The following ASB3 variants were observed in gnomAD, a reference collection of about 807,000 sequenced individuals.
ASB3 encodes the protein ankyrin repeat and SOCS box protein 3.
Under a neutral mutation model 54.5 loss-of-function variants are expected in ASB3, and 41 were observed. The observed-to-expected ratio is 0.75, with a 90% CI of 0.59 to 0.98. The LOEUF is 0.98. Among genes scored for constraint, ASB3 ranks in the 50% least tolerant of loss-of-function variants. The pLI is 0.00. For synonymous variants in ASB3, 266 were observed against 221.2 expected, an observed-to-expected ratio of 1.20 and a Z score of -1.80; for missense variants, 733 against 620.0, an observed-to-expected ratio of 1.18 and a Z score of -1.94.
At chr2:53,701,269 T>C (rs1023646452) in intron 7 of ASB3, among the ~76,000 whole-genome samples, 10 of 152,226 alleles carry the variant, frequency 6.6e-5, no homozygotes, top group African/African-American at 2.4e-4. Context: ...CTTACATTTA[T>C]AATGGTATTA....
At chr2:53,774,886 T>C (rs764123225) in intron 1 of ASB3, 18 of 168,612 alleles carry the variant, frequency 1.1e-4, no homozygotes, top group South Asian at 3.6e-4. Flanking sequence ...CCAATAAATA[T>C]AAGGTTATGC....
chr2:53,770,578 A>T (rs1177190217), intron 1 of ASB3, among the ~76,000 whole-genome samples: 1 of 151,714 alleles, frequency 6.6e-6, no homozygotes, highest in Non-Finnish European at 1.5e-5. Flanking sequence ...GAACATTCCA[A>T]GTCTGGACTT....
At chr2:53,697,976 G>C (rs141081737) in intron 8 of ASB3, among the ~76,000 whole-genome samples, 2 of 152,306 alleles carry the variant, frequency 1.3e-5, no homozygotes, top group African/African-American at 4.8e-5. Flanking sequence ...TGCTCCCATG[G>C]GTCCTCTAGG....
At chr2:53,702,573 C>T (rs1312897459) in intron 7 of ASB3, among the ~76,000 whole-genome samples, 1 of 152,084 alleles carries the variant, frequency 6.6e-6, no homozygotes, top group Non-Finnish European at 1.5e-5. Context: ...TCTTGTTTAA[C>T]ATAAATATCA....
intron 3 of ASB3, among the ~76,000 whole-genome samples, chr2:53,737,126 T>C (rs949026298): frequency 2.0e-5 from 3 of 152,108 alleles, no homozygotes; most frequent in African/African-American, 7.2e-5. Flanking sequence ...AAAACAATCA[T>C]AAGAGTGGAC....
intron 9 of ASB3, among the ~76,000 whole-genome samples, chr2:53,677,905 G>C (rs935578899): frequency 6.6e-6 from 1 of 152,142 alleles, no homozygotes; most frequent in Admixed American, 6.6e-5. Flanking sequence ...GTAAAGGTGA[G>C]ACTATATTTT....
chr2:53,682,450 A>AT (rs1668424222), intron 9 of ASB3, among the ~76,000 whole-genome samples: 4 of 151,978 alleles, frequency 2.6e-5, no homozygotes, highest in African/African-American at 9.6e-5. Flanking sequence ...AATGAGATTA[A>AT]TTTTTTATTT....
intron 7 of ASB3, among the ~76,000 whole-genome samples, chr2:53,704,584 C>T (rs909687708): frequency 1.3e-5 from 2 of 152,026 alleles, no homozygotes; most frequent in Non-Finnish European, 2.9e-5. Context: ...GGTTATATGA[C>T]CCTCTTGACA....
At chr2:53,717,922 G>C (rs930566820) in intron 5 of ASB3, among the ~76,000 whole-genome samples, 3 of 151,952 alleles carry the variant, frequency 2.0e-5, no homozygotes, top group Admixed American at 6.6e-5. Flanking sequence ...TAATAGACTA[G>C]GCCAAGCAGA....
At chr2:53,785,977 A>C (rs1293328659) in intron 1 of ASB3, among the ~76,000 whole-genome samples, 1 of 152,198 alleles carries the variant, frequency 6.6e-6, no homozygotes, top group African/African-American at 2.4e-5. Flanking sequence ...TGATGTTAAA[A>C]AAAAATTTTT....
At chr2:53,754,154 A>C (rs1672685447) in intron 2 of ASB3, among the ~76,000 whole-genome samples, 1 of 152,192 alleles carries the variant, frequency 6.6e-6, no homozygotes, top group Non-Finnish European at 1.5e-5. Context: ...AAACAATATG[A>C]GCAACAAAAT....
intron 9 of ASB3, among the ~76,000 whole-genome samples, chr2:53,682,930 T>C (rs1668452687): frequency 6.6e-6 from 1 of 152,206 alleles, no homozygotes; most frequent in Non-Finnish European, 1.5e-5. Context: ...AACAAGGACA[T>C]TTTGACTTCT....
chr2:53,706,987 T>C (rs1330861379), intron 7 of ASB3, among the ~76,000 whole-genome samples: 1 of 152,206 alleles, frequency 6.6e-6, no homozygotes, highest in Non-Finnish European at 1.5e-5. Flanking sequence ...ATACTATAAG[T>C]AACCTGTTGC....
At position 53,670,427 on chromosome 2, in the gene ASB3, A is replaced by C; in HGVS notation, c.*76T>G. The C allele has an allele frequency of 6.7e-7, 1 of 1,493,648 alleles. No homozygotes were observed. Among genetic ancestry groups the C allele is most frequent in the South Asian group, 1.3e-5 (1 of 76,226 alleles). The allele number at this position is 1,493,648 out of a possible 1,614,324, so 92.5% of individuals were successfully genotyped here. A position where few individuals can be genotyped will look rare whatever the true frequency, so the allele number is the denominator to read the frequency against. On this transcript the variant is annotated 3_prime_UTR_variant, in exon 10 of 10. Transcript: ENST00000263634. ...ATCTTTTGACTATAAAATCATAAAA[A>C]CTTGTACTCTGTGGCTCTTTTGTCT...
chr2:53,708,649 T>C (rs144619188), intron 7 of ASB3, among the ~76,000 whole-genome samples: 375 of 152,298 alleles, frequency 2.5e-3, no homozygotes, highest in African/African-American at 8.4e-3. Context: ...AAAGTGCTGA[T>C]AGTGAATAAA....
At chr2:53,706,292 TATTGATTC>T (rs536251513) in intron 7 of ASB3, among the ~76,000 whole-genome samples, 9 of 152,342 alleles carry the variant, frequency 5.9e-5, no homozygotes, top group African/African-American at 2.2e-4. Context: ...CTGATATAAT[TATTGATTC>T]ATTAATTCAC....
intron 3 of ASB3, among the ~76,000 whole-genome samples, chr2:53,749,224 G>T (rs954136367): frequency 2.0e-5 from 3 of 152,030 alleles, no homozygotes; most frequent in Middle Eastern, 3.4e-3. Context: ...TGGCAATTAG[G>T]AAAATGCAAA....
At chr2:53,683,329 C>T (rs760131161) in intron 9 of ASB3, among the ~76,000 whole-genome samples, 23 of 151,228 alleles carry the variant, frequency 1.5e-4, no homozygotes, top group Non-Finnish European at 2.4e-4. Context: ...TTGGTCATGA[C>T]GAATGATCTT....
In ASB3 at chr2:53,670,671, G is replaced by A. The variant is rs1374217990; in HGVS notation, c.1389C>T (p.Thr463=). Residue 463 remains threonine, a synonymous_variant, in exon 10 of 10, where the codon ACC becomes ACT. Coordinates refer to ENST00000263634, the MANE Select transcript of ASB3 (RefSeq NM_016115.5). ...QQHIATVPSL[T]HLCRLEIRSS... ...ACCGAATTTCCAAACGACAAAGATG[G>A]GTCAGGGATGGAACAGTGGCTGGAG... 6.2e-7 allele frequency: 1 copy of A among 1,613,318 alleles called. No homozygotes were observed. The highest frequency in any genetic ancestry group is 1.1e-5 in the South Asian group (1 of 90,980).
Sources: gnomAD v4.1 joint callset for allele counts (sites outside exome capture counted in the v4.1 genomes callset) on GRCh38, gnomAD v4.1.1 for gene constraint, MANE v1.5 for transcripts, NCBI Gene and HGNC (gene_info 2026-07-23, HGNC 2026-07-21) for gene names.